ZCCHC17: variants seen among roughly 807,000 people sequenced by gnomAD.
ZCCHC17 encodes zinc finger CCHC domain-containing protein 17.
A neutral mutation model predicts 30.6 loss-of-function variants in ZCCHC17; 18 were observed. That is an observed-to-expected ratio of 0.59 (90% CI 0.41 to 0.87). The LOEUF is 0.87. ZCCHC17 is among the 40% of genes least tolerant of loss of function. ZCCHC17 has a pLI of 0.00. For synonymous variants in ZCCHC17, 88 were observed against 92.4 expected (o/e 0.95, Z 0.27); for missense variants, 263 against 284.2 (o/e 0.93, Z 0.54).
intron 2 of ZCCHC17, among the ~76,000 whole-genome samples, chr1:31,315,934 G>A (rs1042640989): frequency 6.6e-6 from 1 of 152,126 alleles, no homozygotes; most frequent in Admixed American, 6.6e-5. Flanking sequence ...ATCCATTCTG[G>A]AGCATATTAA....
chr1:31,346,608 G>A (rs1179561954), intron 5 of ZCCHC17, 32 bp from the exon 6 acceptor site: 9 of 1,582,354 alleles, frequency 5.7e-6, no homozygotes, highest in Non-Finnish European at 7.8e-6. Flanking sequence ...ATCTCTTAAG[G>A]GGGCCGGCAG....
At chr1:31,305,565 A>C (rs991956710) in intron 1 of ZCCHC17, among the ~76,000 whole-genome samples, 5 of 152,098 alleles carry the variant, frequency 3.3e-5, no homozygotes, top group African/African-American at 9.7e-5. Flanking sequence ...GCTGGGATAC[A>C]GGCGTGAGCC....
chr1:31,304,126 G>A (rs1337491368), intron 1 of ZCCHC17, among the ~76,000 whole-genome samples: 2 of 152,168 alleles, frequency 1.3e-5, no homozygotes, highest in Non-Finnish European at 2.9e-5. Context: ...TTTAAAACAT[G>A]CAAGCAAAAT....
At chr1:31,313,912 T>C (rs1395261390) in intron 2 of ZCCHC17, among the ~76,000 whole-genome samples, 1 of 151,898 alleles carries the variant, frequency 6.6e-6, no homozygotes. Flanking sequence ...TCACTCAGGC[T>C]GGAGTGCAGT....
At position 31,346,810 on chromosome 1, in the gene ZCCHC17, C is replaced by T. The variant is rs1176402072; in HGVS notation, c.418+70C>T. On this transcript the variant is annotated intron_variant, in intron 6 of 7. Coordinates refer to ENST00000344147, the MANE Select transcript of ZCCHC17 (RefSeq NM_016505.4). Reference sequence around the variant, plus strand: ...TGGACCCTTTTCTGGAAGAAGGAGGCAGCCCAGTGTGAGTTTAGTTTACCC... The same window carrying T: ...TGGACCCTTTTCTGGAAGAAGGAGGTAGCCCAGTGTGAGTTTAGTTTACCC... The T allele has an allele frequency of 3.1e-6, 5 of 1,600,994 alleles. No homozygotes were observed. In the South Asian group the frequency reaches 3.4e-5, roughly 11 times the overall value.
At chr1:31,346,481 C>A in intron 5 of ZCCHC17, 159 bp from the exon 6 acceptor site, 1 of 679,526 alleles carries the variant, frequency 1.5e-6, no homozygotes, top group Non-Finnish European at 2.3e-6. Flanking sequence ...AGGGCTATTT[C>A]ACATCATTGC....
At chr1:31,297,775 GTGT>G (rs1440851131) in intron 1 of ZCCHC17, among the ~76,000 whole-genome samples, 4 of 152,182 alleles carry the variant, frequency 2.6e-5, no homozygotes, top group African/African-American at 9.7e-5. Context: ...GCTGCAGGAA[GTGT>G]TGTAATTAAT....
intron 1 of ZCCHC17, among the ~76,000 whole-genome samples, chr1:31,299,571 C>T (rs1646256596): frequency 6.6e-6 from 1 of 152,304 alleles, no homozygotes; most frequent in South Asian, 2.1e-4. Context: ...AGTTTTGCTG[C>T]CAGTCATGGC....
intron 6 of ZCCHC17, among the ~76,000 whole-genome samples, chr1:31,347,765 A>G (rs1231004179): frequency 6.6e-6 from 1 of 152,066 alleles, no homozygotes; most frequent in East Asian, 1.9e-4. Context: ...GTGTACCACC[A>G]TGTCCAGCTA....
rs1364185847 is a variant in ZCCHC17, at chr1:31,364,356, G to C, written c.*163G>C. On this transcript the variant is annotated 3_prime_UTR_variant, in exon 8 of 8. Transcript: ENST00000344147. The stretch of plus-strand genomic sequence containing the variant: ...ATGCAACAGGCAGGTTTGGGAGTTA[G>C]AGGTCAAAAGCAGCTGCCTGAATGA... 1.5e-6 allele frequency: 2 copies of C among 1,301,970 alleles called. No individual in the cohort carries two copies. Among genetic ancestry groups the C allele is most frequent in the African/African-American group, 3.0e-5 (2 of 67,034 alleles). The allele number at this position is 1,301,970 out of a possible 1,614,324, so 80.7% of individuals were successfully genotyped here. A position where few individuals can be genotyped will look rare whatever the true frequency, so the allele number is the denominator to read the frequency against.
At chr1:31,319,320 C>T (rs917438899) in intron 3 of ZCCHC17, among the ~76,000 whole-genome samples, 154 bp downstream of exon 3, 1 of 152,046 alleles carries the variant, frequency 6.6e-6, no homozygotes, top group Non-Finnish European at 1.5e-5. Context: ...GATGACAGTT[C>T]ATTTTTAGCG....
chr1:31,314,821 C>G (rs1236205619), intron 2 of ZCCHC17, among the ~76,000 whole-genome samples: 1 of 152,104 alleles, frequency 6.6e-6, no homozygotes, highest in African/African-American at 2.4e-5. Context: ...CGCATGCCAC[C>G]ACACCTGGCT....
At chr1:31,309,592 G>T (rs1240800520) in intron 1 of ZCCHC17, among the ~76,000 whole-genome samples, 1 of 152,172 alleles carries the variant, frequency 6.6e-6, no homozygotes. Flanking sequence ...GATTACAGGT[G>T]TGAGCCACCA....
rs115525043 is a variant in ZCCHC17, at chr1:31,320,150, C to G, written c.124+984C>G. 5.1e-3 allele frequency among the ~76,000 whole-genome samples: 776 copies of G among 152,198 alleles called. 7 individuals are homozygous for G. The highest frequency in any genetic ancestry group is 0.017 in the African/African-American group (702 of 41,524). ...AAAAAGTAACTTAGACTGGTAGATT[C>G]ATATAATGGGATATTACTCAACAAT... On this transcript the variant is annotated intron_variant, in intron 3 of 7. Coordinates refer to ENST00000344147, the MANE Select transcript of ZCCHC17 (RefSeq NM_016505.4).
At chr1:31,316,726 A>G (rs531913937) in intron 2 of ZCCHC17, among the ~76,000 whole-genome samples, 1 of 152,172 alleles carries the variant, frequency 6.6e-6, no homozygotes, top group South Asian at 2.1e-4. Flanking sequence ...CCTTGCCTTA[A>G]TTTTAAGCAT....
chr1:31,349,608 C>T (rs2148470727), intron 7 of ZCCHC17, among the ~76,000 whole-genome samples: 1 of 152,322 alleles, frequency 6.6e-6, no homozygotes, highest in Non-Finnish European at 1.5e-5. Flanking sequence ...GCTGGGATTA[C>T]AGGCATGAGC....
At chr1:31,321,462 A>G (rs540029048) in intron 3 of ZCCHC17, among the ~76,000 whole-genome samples, 23 of 152,316 alleles carry the variant, frequency 1.5e-4, no homozygotes, top group African/African-American at 5.3e-4. Context: ...CAGTGTAAGA[A>G]CAGACTAATA....
intron 1 of ZCCHC17, among the ~76,000 whole-genome samples, chr1:31,299,045 C>T (rs1646241013): frequency 6.6e-6 from 1 of 152,136 alleles, no homozygotes; most frequent in African/African-American, 2.4e-5. Flanking sequence ...TCATGGAGGT[C>T]ACAGTAACCT....
At chr1:31,322,235 C>T (rs998002384) in intron 3 of ZCCHC17, among the ~76,000 whole-genome samples, 1 of 152,170 alleles carries the variant, frequency 6.6e-6, no homozygotes, top group Non-Finnish European at 1.5e-5. Flanking sequence ...CACTAACTAC[C>T]TGGGAATTAG....
Sources: gnomAD v4.1 joint callset for allele counts (sites outside exome capture counted in the v4.1 genomes callset) on GRCh38, gnomAD v4.1.1 for gene constraint, MANE v1.5 for transcripts, NCBI Gene and HGNC (gene_info 2026-07-23, HGNC 2026-07-21) for gene names.